WDPCP: variants seen among roughly 807,000 people sequenced by gnomAD.
The protein encoded by WDPCP is WD repeat containing planar cell polarity effector, also known as WD repeat-containing and planar cell polarity effector protein fritz homolog.
A neutral mutation model predicts 93.1 loss-of-function variants in WDPCP; 71 were observed. The ratio of observed to expected loss-of-function variants is 0.76; its 90% confidence interval spans 0.63 to 0.93. The LOEUF (loss-of-function observed/expected upper bound fraction) is 0.93, where lower values mean the gene tolerates loss of function less well. Among genes scored for constraint, WDPCP ranks in the 40% least tolerant of loss-of-function variants. The pLI is 0.00. For missense variants in WDPCP, 844 were observed against 887.4 expected (o/e 0.95, Z 0.62); for synonymous variants, 315 against 315.0 (o/e 1.00, Z 0.00).
intron 6 of WDPCP, among the ~76,000 whole-genome samples, chr2:63,475,838 G>C (rs1699943506): frequency 6.6e-6 from 1 of 151,912 alleles, no homozygotes; most frequent in African/African-American, 2.4e-5. Context: ...CTTGGCTCTA[G>C]CTCTTCTCCC....
chr2:63,178,079 C>T (rs1673953131), intron 14 of WDPCP, among the ~76,000 whole-genome samples: 1 of 152,114 alleles, frequency 6.6e-6, no homozygotes, highest in African/African-American at 2.4e-5. Flanking sequence ...TTTACTTGAT[C>T]ATGGTGTATT....
chr2:63,152,562 G>A (rs1323149079), intron 17 of WDPCP, among the ~76,000 whole-genome samples: 1 of 152,054 alleles, frequency 6.6e-6, no homozygotes, highest in East Asian at 1.9e-4. Flanking sequence ...ATGAGCCACC[G>A]CGCCCTGCCA....
intron 2 of WDPCP, among the ~76,000 whole-genome samples, chr2:63,665,202 C>A (rs888655396): frequency 2.0e-5 from 3 of 152,176 alleles, no homozygotes; most frequent in Non-Finnish European, 4.4e-5. Flanking sequence ...TGCGTTGTCT[C>A]ATGGTTCTCA....
intron 14 of WDPCP, among the ~76,000 whole-genome samples, chr2:63,257,477 C>G (rs1310702578): frequency 6.6e-6 from 1 of 152,140 alleles, no homozygotes; most frequent in East Asian, 1.9e-4. Context: ...TGCAGCAAAA[C>G]TGGAGTAGAA....
At chr2:63,557,707 G>A (rs1302835985) in intron 1 of WDPCP, among the ~76,000 whole-genome samples, 1 of 152,040 alleles carries the variant, frequency 6.6e-6, no homozygotes, top group Non-Finnish European at 1.5e-5. Context: ...TCTTCTCGGT[G>A]CCACATTCAC....
chr2:63,485,588 T>A (rs1700526467), intron 4 of WDPCP, among the ~76,000 whole-genome samples: 1 of 151,828 alleles, frequency 6.6e-6, no homozygotes, highest in Non-Finnish European at 1.5e-5. Context: ...TACACCACAA[T>A]TGAATAATGA....
intron 1 of WDPCP, among the ~76,000 whole-genome samples, chr2:63,528,303 C>T (rs774673105): frequency 1.3e-5 from 2 of 152,170 alleles, no homozygotes; most frequent in Non-Finnish European, 2.9e-5. Context: ...TGCCTATGTC[C>T]TGAATGGTAA....
At chr2:63,447,473 T>C (rs188593372) in intron 6 of WDPCP, among the ~76,000 whole-genome samples, 31 of 152,308 alleles carry the variant, frequency 2.0e-4, no homozygotes, top group Admixed American at 1.6e-3. Context: ...AAAGAGATGC[T>C]AGAAATGTGT....
intron 2 of WDPCP, among the ~76,000 whole-genome samples, chr2:63,801,182 A>C (rs142530419): frequency 1.1e-3 from 167 of 152,342 alleles, no homozygotes; most frequent in Middle Eastern, 0.01. Flanking sequence ...CTTTGCAGTC[A>C]ATCTGTCAGC....
intron 13 of WDPCP, among the ~76,000 whole-genome samples, chr2:63,304,997 G>C (rs1385874789): frequency 2.0e-5 from 3 of 152,098 alleles, no homozygotes. Flanking sequence ...AAAATGGGAA[G>C]AGCCCACCAC....
intron 6 of WDPCP, among the ~76,000 whole-genome samples, chr2:63,459,815 G>A (rs1468248816): frequency 6.6e-6 from 1 of 151,396 alleles, no homozygotes; most frequent in Non-Finnish European, 1.5e-5. Context: ...TACTCAGGAG[G>A]CTGAGGCAAG....
At chr2:63,594,848 G>A (rs986655415) in intron 3 of WDPCP, 2 of 342,524 alleles carry the variant, frequency 5.8e-6, no homozygotes, top group South Asian at 3.5e-5. Flanking sequence ...GTCAATGGGA[G>A]ATATCACTAA....
At chr2:63,674,982 G>C (rs1287852365) in intron 2 of WDPCP, among the ~76,000 whole-genome samples, 2 of 152,136 alleles carry the variant, frequency 1.3e-5, no homozygotes, top group African/African-American at 4.8e-5. Context: ...TCCTGGCATG[G>C]GGCAGCAGCC....
chr2:63,411,711 C>G (rs1396544912), intron 9 of WDPCP, among the ~76,000 whole-genome samples: 1 of 151,994 alleles, frequency 6.6e-6, no homozygotes, highest in African/African-American at 2.4e-5. Flanking sequence ...CAACTGACAC[C>G]ACTGAAATAC....
At position 63,309,825 on chromosome 2, in the gene WDPCP, G is replaced by T. The variant is rs182366373; in HGVS notation, c.1812+3423C>A. On this transcript the variant is annotated intron_variant, in intron 13 of 17. Transcript: ENST00000272321. Reference sequence around the variant, plus strand: ...AAAAACCCCAGTTTCTGGAAATCATGTAAATAACACACTCAGACAACTAAT... The same window carrying T: ...AAAAACCCCAGTTTCTGGAAATCATTTAAATAACACACTCAGACAACTAAT... 2.0e-5 allele frequency among the ~76,000 whole-genome samples: 3 copies of T among 152,094 alleles called. No individual in the cohort carries two copies. In the East Asian group the frequency reaches 5.8e-4, roughly 29 times the overall value.
intron 2 of WDPCP, among the ~76,000 whole-genome samples, chr2:63,761,827 C>T (rs1312639919): frequency 6.6e-6 from 1 of 152,166 alleles, no homozygotes; most frequent in Admixed American, 6.5e-5. Flanking sequence ...TACTTTGTAT[C>T]CTTCAATCCA....
At position 63,313,884 on chromosome 2, in the gene WDPCP, A is replaced by ATTT. The variant is rs1165930717; in HGVS notation, c.1749-574_1749-573insAAA. On this transcript the variant is annotated intron_variant, in intron 12 of 17. Transcript: ENST00000272321. ...TATATATATATATATATATATATAT[A>ATTT]TATTTTTTTTTTTTTGGAGATGGAG... is the stretch of plus-strand genomic sequence containing the variant. Among the ~76,000 whole-genome samples the ATTT allele has an allele frequency of 1.0e-3, 8 of 8,028 alleles. 1 individual carries two copies. The South Asian group carries it at 0.028, about 28-fold the overall frequency. 5.3% of individuals were successfully genotyped at this position (8,028 alleles called of 152,430 possible).
At chr2:63,583,940 A>C (rs1322486556) in intron 1 of WDPCP, among the ~76,000 whole-genome samples, 2 of 152,096 alleles carry the variant, frequency 1.3e-5, no homozygotes, top group African/African-American at 4.8e-5. Context: ...ACCACATCTC[A>C]AAGAAGAATA....
intron 9 of WDPCP, among the ~76,000 whole-genome samples, chr2:63,412,915 T>C (rs1695128583): frequency 6.6e-6 from 1 of 152,048 alleles, no homozygotes; most frequent in Non-Finnish European, 1.5e-5. Context: ...CATCGATGGG[T>C]AGAATCAATG....
Sources: gnomAD v4.1 joint callset for allele counts (sites outside exome capture counted in the v4.1 genomes callset) on GRCh38, gnomAD v4.1.1 for gene constraint, MANE v1.5 for transcripts, NCBI Gene and HGNC (gene_info 2026-07-23, HGNC 2026-07-21) for gene names.